CDK5RAP2: variants seen among roughly 807,000 people sequenced by gnomAD.
CDK5RAP2 encodes the protein CDK5 regulatory subunit-associated protein 2.
A neutral mutation model predicts 232.9 loss-of-function variants in CDK5RAP2; 147 were observed. The observed-to-expected ratio is 0.63, with a 90% CI of 0.55 to 0.72. The LOEUF is 0.72. CDK5RAP2 is among the 30% of genes least tolerant of loss of function. CDK5RAP2 has a pLI of 0.00. For synonymous variants in CDK5RAP2, 833 were observed against 833.7 expected (o/e 1.00, Z 0.01); for missense variants, 2,195 against 2,231.5 (o/e 0.98, Z 0.33).
intron 22 of CDK5RAP2, among the ~76,000 whole-genome samples, chr9:120,447,419 G>C (rs1455276385): frequency 1.3e-5 from 2 of 152,200 alleles, no homozygotes; most frequent in Non-Finnish European, 2.9e-5. Context: ...CCTCCCAGGA[G>C]AGCAGAGCCA....
At chr9:120,426,258 GATC>G in intron 25 of CDK5RAP2, among the ~76,000 whole-genome samples, 1 of 152,314 alleles carries the variant, frequency 6.6e-6, no homozygotes, top group East Asian at 1.9e-4. Flanking sequence ...CAAGGTTATG[GATC>G]ATGACAGGTG....
chr9:120,452,114 A>G (rs2036509315), intron 21 of CDK5RAP2, among the ~76,000 whole-genome samples: 1 of 152,026 alleles, frequency 6.6e-6, no homozygotes, highest in South Asian at 2.1e-4. Context: ...AAAACAAACA[A>G]ACAAAAGACA....
intron 1 of CDK5RAP2, among the ~76,000 whole-genome samples, 184 bp downstream of exon 1, chr9:120,579,736 C>T (rs780334914): frequency 6.6e-6 from 1 of 152,248 alleles, no homozygotes. Flanking sequence ...GTGCAGGTCG[C>T]GGCTCCCAGC....
chr9:120,429,059 C>G (rs548066493), intron 25 of CDK5RAP2, among the ~76,000 whole-genome samples: 20 of 152,128 alleles, frequency 1.3e-4, no homozygotes, highest in Admixed American at 3.3e-4. Context: ...ATTCAACAAC[C>G]CTTCATGCTA....
intron 25 of CDK5RAP2, among the ~76,000 whole-genome samples, chr9:120,431,324 G>A (rs993868732): frequency 6.6e-6 from 1 of 152,152 alleles, no homozygotes; most frequent in Non-Finnish European, 1.5e-5. Flanking sequence ...TGAAAAGCAC[G>A]ATATCATGGT....
chr9:120,397,195 G>A (rs1664388159), intron 35 of CDK5RAP2, among the ~76,000 whole-genome samples: 2 of 151,982 alleles, frequency 1.3e-5, no homozygotes, highest in African/African-American at 4.8e-5. Flanking sequence ...TTTTTATGGT[G>A]AAAAAAATCT....
intron 18 of CDK5RAP2, among the ~76,000 whole-genome samples, chr9:120,467,123 T>C (rs2037425305): frequency 6.6e-6 from 1 of 152,082 alleles, no homozygotes; most frequent in Non-Finnish European, 1.5e-5. Context: ...AAACAGAAAA[T>C]CAGAGCCAAC....
chr9:120,568,358 G>T lies in CDK5RAP2; in HGVS notation c.158C>A (p.Ser53Tyr). 1.2e-6 allele frequency: 2 copies of T among 1,613,892 alleles called. No homozygotes were observed. Among genetic ancestry groups the T allele is most frequent in the East Asian group, 4.5e-5 (2 of 44,884 alleles). The stretch of plus-strand genomic sequence containing the variant: ...CTTCATGTTCCGTGCTCTGGTGGGA[G>T]ACACTGTTTCTTCTGACACATTTGG... ...LLPNVSEETVSPTRARNMKDF... is the reference protein window; with the variant it reads ...LLPNVSEETVYPTRARNMKDF... Residue 53 changes from serine (S) to tyrosine (Y), a missense_variant, in exon 3 of 38, where the codon TCT becomes TAT. Coordinates refer to ENST00000349780, the MANE Select transcript of CDK5RAP2 (RefSeq NM_018249.6).
At chr9:120,460,790 GA>G in intron 18 of CDK5RAP2, 123 bp from the exon 19 acceptor site, 1 of 1,498,024 alleles carries the variant, frequency 6.7e-7, no homozygotes, top group Non-Finnish European at 9.0e-7. Flanking sequence ...CAAAAAAGAG[GA>G]AGAAACAAAT....
In CDK5RAP2 at chr9:120,400,807, G is replaced by A. The variant is rs763286312; in HGVS notation, c.5386C>T (p.Arg1796Trp). The A allele has an allele frequency of 4.8e-5, 78 of 1,614,048 alleles. No individual in the cohort carries two copies. Among genetic ancestry groups the A allele is most frequent in the Admixed American group, 6.7e-5 (4 of 59,998 alleles). ...GAGACTCTCCAGAGAAGCTTCAGCC[G>A]CCTGTAGGCCTCTTCCAGGGTCAGC... ...AKLTLEEAYR[R>W]LKLLWRVSLP... Residue 1796 changes from arginine (R) to tryptophan (W), a missense_variant, in exon 35 of 38, where the codon CGG becomes TGG. Transcript: ENST00000349780.
intron 14 of CDK5RAP2, among the ~76,000 whole-genome samples, chr9:120,482,477 C>T (rs757309046): frequency 1.8e-4 from 27 of 152,340 alleles, no homozygotes; most frequent in Non-Finnish European, 3.4e-4. Context: ...AGGGGGAATG[C>T]CTATCCCCTG....
chr9:120,482,718 T>G (rs1299220219), intron 14 of CDK5RAP2, among the ~76,000 whole-genome samples: 1 of 152,122 alleles, frequency 6.6e-6, no homozygotes, highest in East Asian at 1.9e-4. Context: ...CTGCCACAAA[T>G]ACTTGCTAAA....
chr9:120,463,406 CCT>C (rs1205064131), intron 18 of CDK5RAP2, among the ~76,000 whole-genome samples: 14 of 152,072 alleles, frequency 9.2e-5, no homozygotes, highest in East Asian at 3.9e-4. Flanking sequence ...AAAGTCTCCC[CCT>C]GATTCCCCAA....
intron 25 of CDK5RAP2, among the ~76,000 whole-genome samples, chr9:120,436,125 A>G (rs1207153425): frequency 2.0e-5 from 3 of 152,250 alleles, no homozygotes; most frequent in African/African-American, 7.2e-5. Context: ...ATCAAAGTTA[A>G]TATCACCAAA....
intron 25 of CDK5RAP2, among the ~76,000 whole-genome samples, chr9:120,424,727 TC>T (rs1196192488): frequency 6.7e-6 from 1 of 149,280 alleles, no homozygotes; most frequent in African/African-American, 2.5e-5. Context: ...TTTAATGGAG[TC>T]TTGCTCTGTT....
intron 18 of CDK5RAP2, among the ~76,000 whole-genome samples, chr9:120,464,323 A>G (rs1564255357): frequency 6.6e-6 from 1 of 151,252 alleles, no homozygotes; most frequent in Non-Finnish European, 1.5e-5. Context: ...CTCTGCATTC[A>G]CTCCATCACA....
chr9:120,460,630 A>G lies in CDK5RAP2; in HGVS notation c.2144T>C (p.Ile715Thr), dbSNP rs770123554. The G allele has an allele frequency of 3.1e-6, 5 of 1,614,016 alleles. No individual in the cohort carries two copies. Among genetic ancestry groups the G allele is most frequent in the African/African-American group, 1.3e-5 (1 of 74,914 alleles). The change falls in exon 19 of 38, where the codon ATT (isoleucine) becomes ACT (threonine). Residue 715 changes from isoleucine to threonine, a missense_variant. Ile to Thr is a moderately conservative substitution (Grantham distance 89). Transcript: ENST00000349780. ...GAAATTAATCTCGTCATCCTCCCCA[A>G]TTTTGATCGTGTCCTCGTCCTCCTT... The part of the protein sequence containing the change: ...ASKEDEDTIK[I>T]GEDDEINFLS...
chr9:120,549,954 T>G (rs1160320438), intron 4 of CDK5RAP2, among the ~76,000 whole-genome samples: 1 of 152,232 alleles, frequency 6.6e-6, no homozygotes, highest in East Asian at 1.9e-4. Context: ...TAAGTTCATC[T>G]GCTGAAACTC....
intron 3 of CDK5RAP2, among the ~76,000 whole-genome samples, chr9:120,552,707 G>A (rs919579187): frequency 9.2e-6 from 1 of 108,658 alleles, no homozygotes; most frequent in African/African-American, 3.5e-5. Context: ...GTGGGGGGAG[G>A]GGGGAGGGAT....
Sources: allele counts gnomAD v4.1 joint callset (sites outside exome capture counted in the v4.1 genomes callset), GRCh38; gene constraint gnomAD v4.1.1; transcripts MANE v1.5; gene names NCBI Gene and HGNC (gene_info 2026-07-23, HGNC 2026-07-21).